DNAJC16: variants seen among roughly 807,000 people sequenced by gnomAD.
DNAJC16 encodes the protein DnaJ heat shock protein family (Hsp40) member C16.
In DNAJC16, 76 loss-of-function variants were observed where a neutral mutation model predicts 92.7. The ratio of observed to expected loss-of-function variants is 0.82; its 90% CI spans 0.68 to 0.99. The LOEUF (loss-of-function observed/expected upper bound fraction) is 0.99, where lower values mean the gene tolerates loss of function less well. Ranked by LOEUF, DNAJC16 falls within the 50% of genes least tolerant of loss-of-function variation. The probability of loss-of-function intolerance (pLI) is 0.00; values close to 1 mark genes in which losing one functional copy is unlikely to be tolerated. For missense variants in DNAJC16, 869 were observed against 942.4 expected, an observed-to-expected ratio of 0.92 and a Z score of 1.02; for synonymous variants, 328 against 358.7, an observed-to-expected ratio of 0.91 and a Z score of 0.97.
rs764328213 is a variant in DNAJC16 at position 15,559,555 on chromosome 1, C to T, written c.1053C>T (p.Asp351=). 3.6e-5 allele frequency: 58 copies of T among 1,613,978 alleles called. No individual in the cohort carries two copies. The highest frequency in any genetic ancestry group is 1.6e-4 in the Middle Eastern group (1 of 6,084). ...QARGMKKQII[D]DFITRNKYLL... is the part of the protein sequence containing the mutation. ...GAGGTATGAAGAAGCAAATCATTGA[C>T]GACTTCATCACCCGAAACAAATATC... Residue 351 remains aspartate (D), a synonymous_variant, in exon 8 of 15, where the codon GAC becomes GAT. Transcript: ENST00000375847.
At chr1:15,546,900 TTTTTC>T (rs777405249) in intron 6 of DNAJC16, 29 bp downstream of exon 6, 11 of 1,436,594 alleles carry the variant, frequency 7.7e-6, no homozygotes, top group Admixed American at 4.7e-5. Context: ...TAATGGTTTC[TTTTTC>T]TTTTCTTTTC....
chr1:15,544,412 C>A lies in DNAJC16; in HGVS notation c.588C>A (p.Gly196=). The change falls in exon 5 of 15, where the codon GGC becomes GGA. Residue 196 remains glycine (G), a synonymous_variant. Coordinates refer to ENST00000375847, the MANE Select transcript of DNAJC16 (RefSeq NM_015291.4). ...CATTCTTTTCAGGTGTAGGAATTGG[C>A]GTGGTCCATGCTGGGTATGAGAGAC... The part of the protein sequence containing the change: ...QELEELGVGI[G]VVHAGYERRL... The A allele has an allele frequency of 6.2e-7, 1 of 1,612,134 alleles. No individual in the cohort carries two copies. Among genetic ancestry groups the A allele is most frequent in the South Asian group, 1.1e-5 (1 of 90,914 alleles).
At position 15,546,915 on chromosome 1, in the gene DNAJC16, C is replaced by CTTTTTTTTTTT. The variant is rs76961003; in HGVS notation, c.864+53_864+63dup. 183 of 907,280 alleles carry CTTTTTTTTTTT rather than the reference C, an allele frequency of 2.0e-4. 1 individual carries two copies. The highest frequency in any genetic ancestry group is 7.4e-4 in the South Asian group (39 of 52,844). 56.2% of individuals were successfully genotyped at this position (907,280 alleles called of 1,614,324 possible). ...TAATGGTTTCTTTTTCTTTTCTTTT[C>CTTTTTTTTTTT]TTTTTTTTTTTTTTTTTTTAGCAGA... is the stretch of plus-strand genomic sequence containing the variant. On this transcript the variant is annotated intron_variant, in intron 6 of 14. Transcript: ENST00000375847.
intron 4 of DNAJC16, among the ~76,000 whole-genome samples, chr1:15,543,065 T>C (rs1358255882): frequency 6.6e-6 from 1 of 152,240 alleles, no homozygotes; most frequent in Non-Finnish European, 1.5e-5. Flanking sequence ...AGTGAGCTCC[T>C]ACTATGTGCC....
At chr1:15,537,084 C>T (rs955987642) in intron 4 of DNAJC16, among the ~76,000 whole-genome samples, 2 of 152,196 alleles carry the variant, frequency 1.3e-5, no homozygotes, top group African/African-American at 4.8e-5. Flanking sequence ...CTCCTGACCT[C>T]AAGTGATCTG....
In DNAJC16 at chr1:15,564,120, C is replaced by T. The variant is rs373868243; in HGVS notation, c.1521+9C>T. 130 of 1,581,738 alleles carry T rather than the reference C, an allele frequency of 8.2e-5. No homozygotes were observed. In the South Asian group the frequency reaches 1.2e-3, roughly 15 times the overall value. On this transcript the variant is annotated intron_variant, in intron 10 of 14. Transcript: ENST00000375847. ...CCGATGAACTTGCCCCTGTGAGCAT[C>T]GGGGCTGGGAAGGGTGGGACACCAG...
intron 13 of DNAJC16, 85 bp downstream of exon 13, chr1:15,566,265 A>T: frequency 1.8e-6 from 2 of 1,109,280 alleles, no homozygotes; most frequent in South Asian, 2.8e-5. Flanking sequence ...TGGAACATAG[A>T]GTGTAGAGAA....
At chr1:15,546,102 C>T (rs1179762475) in intron 5 of DNAJC16, among the ~76,000 whole-genome samples, 1 of 152,030 alleles carries the variant, frequency 6.6e-6, no homozygotes, top group Non-Finnish European at 1.5e-5. Context: ...TCCATAAGTT[C>T]AAGACCAGCC....
chr1:15,548,562 T>C, intron 7 of DNAJC16, 134 bp downstream of exon 7: 2 of 892,404 alleles, frequency 2.2e-6, no homozygotes, highest in Non-Finnish European at 3.2e-6. Flanking sequence ...TTTAATGAAT[T>C]TTTTTATCTA....
Position 15,568,597 on chromosome 1 carries a change from C to A in DNAJC16, c.*420C>A. ...TCATTGGCCCCTTCCCCAATCCCGG[C>A]CCTGCTGTGCTGCTGCCATGGCGCA... On this transcript the variant is annotated 3_prime_UTR_variant, in exon 15 of 15. Coordinates refer to ENST00000375847, the MANE Select transcript of DNAJC16 (RefSeq NM_015291.4). 2.5e-6 allele frequency: 1 copy of A among 407,082 alleles called. No individual in the cohort carries two copies. The allele number at this position is 407,082 out of a possible 1,614,324, so 25.2% of individuals were successfully genotyped here.
chr1:15,540,965 G>T (rs1419111641), intron 4 of DNAJC16, among the ~76,000 whole-genome samples: 1 of 152,124 alleles, frequency 6.6e-6, no homozygotes, highest in African/African-American at 2.4e-5. Flanking sequence ...GCAGTAAGAA[G>T]TCCAGGCTTT....
At chr1:15,532,756 A>C (rs1710689050) in intron 2 of DNAJC16, among the ~76,000 whole-genome samples, 2 of 151,982 alleles carry the variant, frequency 1.3e-5, no homozygotes, top group South Asian at 2.1e-4. Flanking sequence ...CGTTTCCTTA[A>C]GTCATGCTGT....
At chr1:15,562,928 T>C (rs1318093681) in intron 9 of DNAJC16, among the ~76,000 whole-genome samples, 1 of 149,648 alleles carries the variant, frequency 6.7e-6, no homozygotes, top group Admixed American at 6.8e-5. Context: ...GCAAGTCTGG[T>C]CTTGCAGCAT....
chr1:15,536,839 G>A (rs767693189), intron 4 of DNAJC16, 25 bp downstream of exon 4: 8 of 1,565,956 alleles, frequency 5.1e-6, no homozygotes, highest in African/African-American at 1.4e-5. Context: ...TTCACTGAAA[G>A]ATATTTATAT....
chr1:15,529,340 T>C (rs1324606267), intron 2 of DNAJC16, 68 bp downstream of exon 2: 1 of 1,447,044 alleles, frequency 6.9e-7, no homozygotes, highest in Non-Finnish European at 9.3e-7. Flanking sequence ...AAGTCTAAAT[T>C]ATGACTAGCT....
At chr1:15,535,666 G>T (rs565317502) in intron 3 of DNAJC16, among the ~76,000 whole-genome samples, 1 of 152,258 alleles carries the variant, frequency 6.6e-6, no homozygotes, top group East Asian at 1.9e-4. Context: ...AGAGATGGAG[G>T]CTGCAGTGAG....
chr1:15,542,355 GTT>G (rs1347990558), intron 4 of DNAJC16: 2 of 152,256 alleles, frequency 1.3e-5, no homozygotes, highest in Non-Finnish European at 2.9e-5. Flanking sequence ...GAACTACTGG[GTT>G]TGAGAGTTCC....
chr1:15,531,984 TTC>T (rs925722262), intron 2 of DNAJC16, among the ~76,000 whole-genome samples: 4 of 152,246 alleles, frequency 2.6e-5, no homozygotes, highest in African/African-American at 9.6e-5. Context: ...TACTAAGTGT[TTC>T]TTAGACTGCT....
At position 15,571,703 on chromosome 1, in the gene DNAJC16, AAAAG is replaced by A. The variant is rs1468857056; in HGVS notation, c.*3530_*3533del. The A allele has an allele frequency of 1.3e-5, 2 of 152,578 alleles. No homozygotes were observed. The highest frequency in any genetic ancestry group is 1.3e-4 in the Admixed American group (2 of 15,270). The allele number at this position is 152,578 out of a possible 1,614,324, so 9.5% of individuals were successfully genotyped here. ...TGTTATTTTAAGATTACAGAATGGA[AAAAG>A]AAATAAACTATTTTAATGTCTGATA... On this transcript the variant is annotated 3_prime_UTR_variant, in exon 15 of 15. Coordinates refer to ENST00000375847, the MANE Select transcript of DNAJC16 (RefSeq NM_015291.4).
Sources: gnomAD v4.1 joint callset for allele counts (sites outside exome capture counted in the v4.1 genomes callset) on GRCh38, gnomAD v4.1.1 for gene constraint, MANE v1.5 for transcripts, NCBI Gene and HGNC (gene_info 2026-07-23, HGNC 2026-07-21) for gene names.